Variants in CLEC12A observed in about 807,000 individuals in gnomAD.
CLEC12A encodes the protein C-type lectin domain family 12 member A, also known as C-type lectin protein CLL-1.
A neutral mutation model predicts 26.5 loss-of-function variants in CLEC12A; 22 were observed. The ratio of observed to expected loss-of-function variants is 0.83; its 90% CI spans 0.59 to 1.19. The LOEUF is 1.19. CLEC12A is among the 50% of genes most tolerant of loss of function. The probability of loss-of-function intolerance (pLI) is 0.00; values close to 1 mark genes in which losing one functional copy is unlikely to be tolerated. For synonymous variants in CLEC12A, 119 were observed against 101.9 expected, an observed-to-expected ratio of 1.17 and a Z score of -1.01; for missense variants, 353 against 315.6, an observed-to-expected ratio of 1.12 and a Z score of -0.90.
downstream of CLEC12A, chr12:9,997,299 A>T: frequency 6.3e-7 from 1 of 1,594,414 alleles, no homozygotes; most frequent in African/African-American, 1.3e-5. Flanking sequence ...AAAAGTAAAT[A>T]ATAATAATTT....
chr12:9,977,590 T>A (rs1475196055), intron 1 of CLEC12A, among the ~76,000 whole-genome samples: 1 of 152,232 alleles, frequency 6.6e-6, no homozygotes, highest in East Asian at 1.9e-4. Flanking sequence ...TCCTACTTAT[T>A]TTGCATGCTG....
Position 9,985,240 on chromosome 12 carries a change from T to A in CLEC12A, c.*214T>A, listed in dbSNP as rs1433114335. On this transcript the variant is annotated 3_prime_UTR_variant, in exon 6 of 6. Transcript: ENST00000304361. ...ATGAAGCATGTCCCACCTCCCACTT[T>A]CCATCATGGCCTGAACCCTGGAGGA... 1.3e-4 allele frequency: 57 copies of A among 450,476 alleles called. No homozygotes were observed. In the East Asian group the frequency reaches 2.0e-3, roughly 16 times the overall value. The allele number at this position is 450,476 out of a possible 1,614,324, so 27.9% of individuals were successfully genotyped here.
downstream of CLEC12A, among the ~76,000 whole-genome samples, chr12:9,988,380 C>A (rs865847249): frequency 2.0e-5 from 3 of 152,168 alleles, no homozygotes; most frequent in Middle Eastern, 3.4e-3. Context: ...TAATTAAACT[C>A]AAGAGCTTCT....
downstream of CLEC12A, among the ~76,000 whole-genome samples, chr12:9,998,618 G>A (rs560045314): frequency 8.4e-6 from 1 of 119,164 alleles, no homozygotes; most frequent in East Asian, 2.2e-4. Context: ...AATATTACTT[G>A]CTGTTAAGGC....
In CLEC12A at chr12:9,985,526, G is replaced by A. The variant is rs1295505872; in HGVS notation, c.*500G>A. The A allele has an allele frequency of 5.0e-6, 2 of 398,530 alleles. No homozygotes were observed. The highest frequency in any genetic ancestry group is 8.8e-6 in the Non-Finnish European group (2 of 226,086). 24.7% of individuals were successfully genotyped at this position (398,530 alleles called of 1,614,324 possible). A position where few individuals can be genotyped will look rare whatever the true frequency, so the allele number is the denominator to read the frequency against. On this transcript the variant is annotated 3_prime_UTR_variant, in exon 6 of 6. Coordinates refer to ENST00000304361, the MANE Select transcript of CLEC12A (RefSeq NM_138337.6). ...TTCTAGGCCAGGTAAGAATGGATAT[G>A]GACATGCATTTATTACCTCTTAAAA...
downstream of CLEC12A, among the ~76,000 whole-genome samples, chr12:9,999,532 T>C (rs564108052): frequency 3.1e-3 from 471 of 152,342 alleles, 2 homozygotes; most frequent in African/African-American, 0.011. Context: ...CCAGCAGATA[T>C]ATAGTTTATC....
chr12:9,998,351 C>G (rs1452887101), downstream of CLEC12A: 4 of 1,613,942 alleles, frequency 2.5e-6, no homozygotes, highest in African/African-American at 2.7e-5. Flanking sequence ...AAAGCCATCA[C>G]ACGCCACCAG....
At chr12:9,976,315 C>T (rs1051761008) in intron 1 of CLEC12A, among the ~76,000 whole-genome samples, 3 of 152,192 alleles carry the variant, frequency 2.0e-5, no homozygotes, top group Non-Finnish European at 4.4e-5. Context: ...GGAGACTGTA[C>T]CTTGCAAAGC....
downstream of CLEC12A, among the ~76,000 whole-genome samples, chr12:9,986,550 C>T (rs1015636246): frequency 2.0e-5 from 3 of 152,136 alleles, no homozygotes; most frequent in East Asian, 5.8e-4. Context: ...GTGGCTTATG[C>T]CTGTAATCCC....
At chr12:9,962,165 T>C (rs1863840344) in intron 1 of CLEC12A, among the ~76,000 whole-genome samples, 1 of 152,154 alleles carries the variant, frequency 6.6e-6, no homozygotes, top group Admixed American at 6.6e-5. Context: ...CTATCCCTCA[T>C]GGTTTCCTTT....
rs759356197 is a variant in CLEC12A at position 9,979,360 on chromosome 12, T to C, written c.215T>C (p.Met72Thr). 7.8e-5 allele frequency: 125 copies of C among 1,597,558 alleles called. No individual in the cohort carries two copies. The highest frequency in any genetic ancestry group is 1.0e-4 in the Non-Finnish European group (122 of 1,171,626). The change falls in exon 3 of 6, where the codon ATG (methionine) becomes ACG (threonine). Residue 72 changes from methionine to threonine, a missense_variant. Physicochemically the swap from Met to Thr is moderately conservative, Grantham distance 81. Transcript: ENST00000304361. Reference protein sequence around the residue: ...SMFHVTLKIEMKKMNKLQNIS... With the variant: ...SMFHVTLKIETKKMNKLQNIS... ...GTTCACGTAACTTTGAAGATAGAAATGAAAAAAATGAACAAACTACAAAAC... is the reference window on the plus strand; with the variant it reads ...GTTCACGTAACTTTGAAGATAGAAACGAAAAAAATGAACAAACTACAAAAC...
intron 4 of CLEC12A, chr12:9,992,038 T>C (rs940790573): frequency 2.0e-5 from 3 of 152,072 alleles, no homozygotes; most frequent in Non-Finnish European, 4.4e-5. Flanking sequence ...AAACCTCCGT[T>C]GAGATGTTTG....
downstream of CLEC12A, chr12:9,996,750 T>A: frequency 1.6e-6 from 2 of 1,242,006 alleles, no homozygotes; most frequent in Non-Finnish European, 2.4e-6. Flanking sequence ...AACTGAAAGA[T>A]GTTAAGAAAA....
In CLEC12A at chr12:9,982,214, C is replaced by T. The variant is rs968369401; in HGVS notation, c.641+85C>T. On this transcript the variant is annotated intron_variant, in intron 5 of 5. Transcript: ENST00000304361. Reference sequence around the variant, plus strand: ...GGAGCACTGTAGATTCAAATTAAAACCAGCTTCAATTGAAATTGCATGCTA... The same window carrying T: ...GGAGCACTGTAGATTCAAATTAAAATCAGCTTCAATTGAAATTGCATGCTA... 1.0e-5 allele frequency: 7 copies of T among 700,092 alleles called. No homozygotes were observed. The African/African-American group carries it at 1.1e-4, about 11-fold the overall frequency. The allele number at this position is 700,092 out of a possible 1,614,324, so 43.4% of individuals were successfully genotyped here. A position where few individuals can be genotyped will look rare whatever the true frequency, so the allele number is the denominator to read the frequency against.
At chr12:9,979,285 T>C (rs1473224748) in intron 2 of CLEC12A, 51 bp from the exon 3 acceptor site, 2 of 1,335,130 alleles carry the variant, frequency 1.5e-6, no homozygotes, top group East Asian at 2.5e-5. Flanking sequence ...TGATAAAGGA[T>C]GATGGCTCTA....
chr12:9,980,756 A>G (rs371939657), intron 4 of CLEC12A, 23 bp downstream of exon 4: 4 of 1,611,364 alleles, frequency 2.5e-6, no homozygotes, highest in East Asian at 2.2e-5. Flanking sequence ...TGTTTCTACC[A>G]TCATGGGATA....
chr12:10,004,511 G>A, the CLEC12A span, among the ~76,000 whole-genome samples: 14 of 151,962 alleles, frequency 9.2e-5, no homozygotes, highest in East Asian at 1.9e-4. Context: ...TCCTCTTGGC[G>A]TTCAGAAGTT....
chr12:9,991,774 A>T (rs1362826761), intron 4 of CLEC12A: 1 of 152,186 alleles, frequency 6.6e-6, no homozygotes, highest in Non-Finnish European at 1.5e-5. Flanking sequence ...TAATCATATT[A>T]AATGAGCTTC....
chr12:9,998,253 G>C (rs1269156238), downstream of CLEC12A: 2 of 1,570,948 alleles, frequency 1.3e-6, no homozygotes, highest in African/African-American at 2.7e-5. Context: ...CCTTCCTCCA[G>C]TCAAATTTCT....
Sources: allele counts gnomAD v4.1 joint callset (sites outside exome capture counted in the v4.1 genomes callset), GRCh38; gene constraint gnomAD v4.1.1; transcripts MANE v1.5; gene names NCBI Gene and HGNC (gene_info 2026-07-23, HGNC 2026-07-21).